ASPRV1: variants seen among roughly 807,000 people sequenced by gnomAD.
The protein encoded by ASPRV1 is retroviral-like aspartic protease 1.
A neutral mutation model predicts 11.0 loss-of-function variants in ASPRV1; 7 were observed. The observed-to-expected ratio is 0.64, with a 90% CI of 0.36 to 1.20. ASPRV1 has a LOEUF of 1.20. Among genes scored for constraint, ASPRV1 ranks in the 50% most tolerant of loss-of-function variants. The pLI, the probability that ASPRV1 is intolerant of heterozygous loss-of-function variation, is 0.02. For missense variants in ASPRV1, 299 were observed against 320.0 expected (o/e 0.93, Z 0.50); for synonymous variants, 136 against 138.4 (o/e 0.98, Z 0.12).
At chr2:69,962,109 A>T, upstream of ASPRV1, 1 of 178,616 alleles carries the variant, frequency 5.6e-6, no homozygotes, top group Admixed American at 5.9e-5. Flanking sequence ...TAAAGCAGGT[A>T]TGGGATCCTA....
chr2:70,009,952 T>C, the ASPRV1 span, among the ~76,000 whole-genome samples: 11 of 152,294 alleles, frequency 7.2e-5, no homozygotes, highest in African/African-American at 2.6e-4. Context: ...GCACTGCTGC[T>C]ATAGGAGTGT....
At chr2:70,021,234 CCTT>C in the ASPRV1 span, among the ~76,000 whole-genome samples, 1 of 152,010 alleles carries the variant, frequency 6.6e-6, no homozygotes, top group African/African-American at 2.4e-5. Context: ...AGCAGGATTT[CCTT>C]CTTTTTTAAA....
the ASPRV1 span, chr2:70,015,444 T>C: frequency 6.6e-6 from 1 of 152,154 alleles, no homozygotes; most frequent in South Asian, 2.1e-4. Flanking sequence ...AATACAGTAC[T>C]CACAGGATGG....
the ASPRV1 span, among the ~76,000 whole-genome samples, chr2:69,999,299 A>G: frequency 6.6e-6 from 1 of 151,774 alleles, no homozygotes. Flanking sequence ...AAAAAAAAAA[A>G]CTCACTAAAA....
the ASPRV1 span, among the ~76,000 whole-genome samples, chr2:69,933,205 AAAAAAAAAAAAAAAAAAAAC>A: frequency 2.1e-5 from 1 of 46,714 alleles, no homozygotes; most frequent in African/African-American, 2.2e-4. Context: ...TGTCTCAAAA[AAAAAAAAAAAAAAAAAAAAC>A]AAAAAAAGAA....
chr2:70,020,713 G>C, the ASPRV1 span, among the ~76,000 whole-genome samples: 2 of 152,210 alleles, frequency 1.3e-5, no homozygotes, highest in Admixed American at 6.5e-5. Context: ...TTGCACTCCA[G>C]CCTGGGCAAA....
At chr2:69,990,625 A>G in the ASPRV1 span, among the ~76,000 whole-genome samples, 1 of 151,568 alleles carries the variant, frequency 6.6e-6, no homozygotes, top group Non-Finnish European at 1.5e-5. Flanking sequence ...TAATTTTTTA[A>G]AAAATGTTTT....
At chr2:70,033,744 A>G in the ASPRV1 span, among the ~76,000 whole-genome samples, 2 of 152,132 alleles carry the variant, frequency 1.3e-5, no homozygotes, top group Non-Finnish European at 2.9e-5. Context: ...TTTTAAATAA[A>G]TTTCTATTAT....
the ASPRV1 span, among the ~76,000 whole-genome samples, chr2:69,972,676 A>C: frequency 6.6e-6 from 1 of 151,946 alleles, no homozygotes; most frequent in Non-Finnish European, 1.5e-5. Context: ...CTCGGTTTTC[A>C]TGAGTGTTCT....
At chr2:70,010,230 A>G in the ASPRV1 span, among the ~76,000 whole-genome samples, 1 of 152,094 alleles carries the variant, frequency 6.6e-6, no homozygotes, top group Non-Finnish European at 1.5e-5. Flanking sequence ...CGGGAGATAC[A>G]CAAGTGGAAA....
At chr2:70,021,251 G>T in the ASPRV1 span, among the ~76,000 whole-genome samples, 2 of 151,450 alleles carry the variant, frequency 1.3e-5, no homozygotes, top group Admixed American at 1.3e-4. Context: ...TTTTAAAGTT[G>T]TATAGTATTC....
the ASPRV1 span, among the ~76,000 whole-genome samples, chr2:70,068,791 C>T: frequency 1.5e-3 from 201 of 138,014 alleles, 1 homozygote; most frequent in African/African-American, 6.1e-3. Context: ...AAAAAAATAA[C>T]AAAATTAGCC....
At chr2:69,996,236 A>AAG in the ASPRV1 span, among the ~76,000 whole-genome samples, 1 of 150,958 alleles carries the variant, frequency 6.6e-6, no homozygotes, top group East Asian at 1.9e-4. Flanking sequence ...AAAAAAAAAA[A>AAG]AAACAATTAG....
At chr2:70,051,540 C>T in the ASPRV1 span, among the ~76,000 whole-genome samples, 75 of 152,296 alleles carry the variant, frequency 4.9e-4, no homozygotes, top group African/African-American at 1.7e-3. Flanking sequence ...TCATAGAATG[C>T]TCACAATAAT....
At chr2:70,068,542 G>C in the ASPRV1 span, among the ~76,000 whole-genome samples, 1 of 152,088 alleles carries the variant, frequency 6.6e-6, no homozygotes, top group Non-Finnish European at 1.5e-5. Context: ...ATTATGTAAA[G>C]GTTTAGTAGC....
chr2:70,075,518 A>C, the ASPRV1 span, among the ~76,000 whole-genome samples: 2 of 152,154 alleles, frequency 1.3e-5, no homozygotes, highest in Non-Finnish European at 2.9e-5. Context: ...GGATTAAATG[A>C]GATAATCCAT....
the ASPRV1 span, among the ~76,000 whole-genome samples, chr2:69,992,838 G>C: frequency 6.6e-6 from 1 of 152,168 alleles, no homozygotes; most frequent in African/African-American, 2.4e-5. Context: ...TCAACAATAG[G>C]ATGTGCAATG....
At chr2:70,018,199 G>T in the ASPRV1 span, 1 of 151,090 alleles carries the variant, frequency 6.6e-6, no homozygotes, top group South Asian at 2.1e-4. Context: ...AAATACTTAG[G>T]AATAAATTTA....
upstream of ASPRV1, chr2:69,963,095 C>T: frequency 5.4e-6 from 2 of 368,614 alleles, no homozygotes; most frequent in South Asian, 4.0e-5. Context: ...TTGGACAGTC[C>T]TGCCTCTGGA....
Sources: gnomAD v4.1 joint callset for allele counts (sites outside exome capture counted in the v4.1 genomes callset) on GRCh38, gnomAD v4.1.1 for gene constraint, MANE v1.5 for transcripts, NCBI Gene and HGNC (gene_info 2026-07-23, HGNC 2026-07-21) for gene names.